Variants in KCNK2 observed in about 807,000 individuals in gnomAD.
KCNK2 encodes the protein potassium two pore domain channel subfamily K member 2.
A neutral mutation model predicts 40.5 loss-of-function variants in KCNK2; 21 were observed. The observed-to-expected ratio is 0.52, with a 90% CI of 0.37 to 0.75. KCNK2 has a LOEUF of 0.75. Among genes scored for constraint, KCNK2 ranks in the 30% least tolerant of loss-of-function variants. The probability of loss-of-function intolerance (pLI) is 0.00; values close to 1 mark genes in which losing one functional copy is unlikely to be tolerated. For missense variants in KCNK2, 399 were observed against 531.6 expected (o/e 0.75, Z 2.45); for synonymous variants, 191 against 202.2 (o/e 0.94, Z 0.47).
In KCNK2 at chr1:215,183,043, C is replaced by T. The variant is rs540305097; in HGVS notation, c.823+10860C>T. Among the ~76,000 whole-genome samples, 4 of 152,266 alleles carry T rather than the reference C, an allele frequency of 2.6e-5. No homozygotes were observed. The South Asian group carries it at 6.2e-4, about 24-fold the overall frequency. On this transcript the variant is annotated intron_variant, in intron 5 of 6. Coordinates refer to ENST00000444842, the MANE Select transcript of KCNK2 (RefSeq NM_001017425.3). ...GGGGGCTGTTTGCCCATGTTCTCCT[C>T]CCCGGGTTCTGGGGTTTCCTACATG...
intron 3 of KCNK2, among the ~76,000 whole-genome samples, chr1:215,148,610 A>T (rs1374444039): frequency 6.6e-6 from 1 of 152,196 alleles, no homozygotes; most frequent in African/African-American, 2.4e-5. Context: ...TATACAAGAT[A>T]TATAAAGGAA....
chr1:215,208,971 A>T (rs980671176), intron 6 of KCNK2, among the ~76,000 whole-genome samples: 26 of 151,590 alleles, frequency 1.7e-4, no homozygotes, highest in African/African-American at 5.6e-4. Flanking sequence ...GGGATTACAG[A>T]CACCTGCCAC....
Position 215,029,574 on chromosome 1 carries a change from A to G in KCNK2, c.34+23619A>G, listed in dbSNP as rs1026219006. ...TCAAATATATTAATATATATTTAATATATAAATATAAATATTTGATATATT... is the reference window on the plus strand; with the variant it reads ...TCAAATATATTAATATATATTTAATGTATAAATATAAATATTTGATATATT... On this transcript the variant is annotated intron_variant, in intron 1 of 6. Transcript: ENST00000391895. Among the ~76,000 whole-genome samples the G allele has an allele frequency of 1.2e-4, 17 of 147,002 alleles. No homozygotes were observed. The East Asian group carries it at 1.8e-3, about 15-fold the overall frequency.
chr1:215,032,431 C>G (rs2841591), intron 1 of KCNK2, among the ~76,000 whole-genome samples: 77,648 of 151,796 alleles, frequency 0.51, 20,252 homozygotes, highest in Non-Finnish European at 0.55. Context: ...AAACAAAAAA[C>G]AGTAAACTTT....
At chr1:215,054,681 A>G (rs1658097837) in intron 1 of KCNK2, among the ~76,000 whole-genome samples, 1 of 152,164 alleles carries the variant, frequency 6.6e-6, no homozygotes, top group Non-Finnish European at 1.5e-5. Flanking sequence ...AACAAGTGAT[A>G]ATGCAAACCA....
intron 4 of KCNK2, among the ~76,000 whole-genome samples, chr1:215,171,444 A>G (rs573822071): frequency 2.6e-5 from 4 of 152,278 alleles, no homozygotes; most frequent in African/African-American, 7.2e-5. Flanking sequence ...ATTATGCTGT[A>G]ATCAATTAAA....
At chr1:215,007,089 A>ATATATATATGTATATATATGTG in intron 1 of KCNK2, among the ~76,000 whole-genome samples, 1 of 74,886 alleles carries the variant, frequency 1.3e-5, no homozygotes, top group Admixed American at 1.4e-4. Flanking sequence ...ATATGTGTGT[A>ATATATATATGTATATATATGTG]TATATATATG....
intron 2 of KCNK2, among the ~76,000 whole-genome samples, chr1:215,120,505 G>A (rs1028140227): frequency 7.2e-5 from 11 of 152,114 alleles, no homozygotes; most frequent in African/African-American, 2.7e-4. Context: ...AGTATAATCT[G>A]TCTAAATTCC....
At chr1:215,224,070 ATAAGT>A (rs548773218) in intron 6 of KCNK2, among the ~76,000 whole-genome samples, 29 of 152,282 alleles carry the variant, frequency 1.9e-4, no homozygotes, top group East Asian at 1.7e-3. Flanking sequence ...GTTTATATAG[ATAAGT>A]TAAGCAGCAT....
rs994335055 is a variant in KCNK2 at position 215,204,318 on chromosome 1, CT to C, written c.963+9236del. On this transcript the variant is annotated intron_variant, in intron 6 of 6. Transcript: ENST00000444842. The stretch of plus-strand genomic sequence containing the variant: ...GTTGAATTCTCAGTATAAATGGTAA[CT>C]TTTTTTTTTGATTCATGTATTTCAC... Among the ~76,000 whole-genome samples the C allele has an allele frequency of 1.3e-3, 198 of 147,680 alleles. 1 individual carries two copies. Among genetic ancestry groups the C allele is most frequent in the African/African-American group, 4.2e-3 (170 of 40,278 alleles).
At chr1:215,008,393 GCCACTA>G (rs1656261240) in intron 1 of KCNK2, among the ~76,000 whole-genome samples, 1 of 152,032 alleles carries the variant, frequency 6.6e-6, no homozygotes, top group Admixed American at 6.6e-5. Context: ...TGAGTTCCCT[GCCACTA>G]GTGAAATGTA....
At chr1:215,149,288 C>G (rs1662579603) in intron 3 of KCNK2, among the ~76,000 whole-genome samples, 1 of 152,110 alleles carries the variant, frequency 6.6e-6, no homozygotes, top group Non-Finnish European at 1.5e-5. Context: ...GATTCAGGAG[C>G]TCTGGCCCTG....
intron 3 of KCNK2, among the ~76,000 whole-genome samples, chr1:215,141,262 A>G (rs889926027): frequency 5.9e-5 from 9 of 152,160 alleles, no homozygotes; most frequent in Admixed American, 2.6e-4. Flanking sequence ...TAGTAAATAC[A>G]TAAACCAGTA....
chr1:215,168,103 T>C (rs1022959550), intron 3 of KCNK2, among the ~76,000 whole-genome samples: 2 of 151,950 alleles, frequency 1.3e-5, no homozygotes, highest in Non-Finnish European at 2.9e-5. Context: ...CCAAAAAACA[T>C]ATGAAAAACA....
intron 3 of KCNK2, among the ~76,000 whole-genome samples, chr1:215,153,683 A>AACGTCC (rs1367217244): frequency 2.0e-5 from 3 of 151,966 alleles, no homozygotes; most frequent in African/African-American, 7.2e-5. Context: ...TTCGTTACAT[A>AACGTCC]GGTATACGTG....
At position 215,039,038 on chromosome 1, in the gene KCNK2, T is replaced by A. The variant is rs1475891328; in HGVS notation, c.34+33083T>A. ...GGTAGAATTTAGGTTGGACTGACAA[T>A]GTCGGTGAAATGAAAAGGTGCCTAC... is the stretch of plus-strand genomic sequence containing the variant. On this transcript the variant is annotated intron_variant, in intron 1 of 6. Coordinates refer to the KCNK2 transcript ENST00000391895. Among the ~76,000 whole-genome samples the A allele has an allele frequency of 2.0e-5, 3 of 151,890 alleles. No individual in the cohort carries two copies. In the South Asian group the frequency reaches 6.2e-4, roughly 31 times the overall value.
At chr1:215,169,477 T>C (rs1663600728) in intron 4 of KCNK2, 118 bp downstream of exon 4, 2 of 718,714 alleles carry the variant, frequency 2.8e-6, no homozygotes, top group Non-Finnish European at 4.6e-6. Context: ...TCCATAACAA[T>C]TTATATGCAT....
At chr1:215,108,758 T>G in intron 2 of KCNK2, among the ~76,000 whole-genome samples, 1 of 117,360 alleles carries the variant, frequency 8.5e-6, no homozygotes, top group Non-Finnish European at 1.6e-5. Flanking sequence ...TCTGGTTGTT[T>G]AAATTATAGT....
rs1456043821 is a variant in KCNK2 at position 215,181,010 on chromosome 1, T to G, written c.823+8827T>G. On this transcript the variant is annotated intron_variant, in intron 5 of 6. Coordinates refer to ENST00000444842, the MANE Select transcript of KCNK2 (RefSeq NM_001017425.3). ...AGGAATGCCAATAATTTTTTTAGAT[T>G]TTGCCACTTTACATAATCCTGTATT... is the stretch of plus-strand genomic sequence containing the variant. Among the ~76,000 whole-genome samples, 3 of 152,314 alleles carry G rather than the reference T, an allele frequency of 2.0e-5. No individual in the cohort carries two copies. In the East Asian group the frequency reaches 5.8e-4, roughly 29 times the overall value.
Sources: allele counts gnomAD v4.1 joint callset (sites outside exome capture counted in the v4.1 genomes callset), GRCh38; gene constraint gnomAD v4.1.1; transcripts MANE v1.5; gene names NCBI Gene and HGNC (gene_info 2026-07-23, HGNC 2026-07-21).